The following TC2N variants were observed in gnomAD, a reference collection of about 807,000 sequenced individuals.
TC2N encodes the protein tandem C2 domains nuclear protein.
Under a neutral mutation model 61.9 loss-of-function variants are expected in TC2N, and 51 were observed. The ratio of observed to expected loss-of-function variants is 0.82; its 90% confidence interval spans 0.66 to 1.04. The LOEUF (loss-of-function observed/expected upper bound fraction) is 1.04. TC2N is among the 50% of genes least tolerant of loss of function. The pLI, the probability that TC2N is intolerant of heterozygous loss-of-function variation, is 0.00. For missense variants in TC2N, 556 were observed against 566.7 expected (o/e 0.98, Z 0.19); for synonymous variants, 204 against 192.6 (o/e 1.06, Z -0.49).
intron 3 of TC2N, among the ~76,000 whole-genome samples, chr14:91,805,434 C>T (rs1005578065): frequency 2.6e-5 from 4 of 152,174 alleles, no homozygotes; most frequent in South Asian, 2.1e-4. Context: ...TTTGAAAGGG[C>T]GAGGTGGGCA....
intron 1 of TC2N, among the ~76,000 whole-genome samples, chr14:91,851,162 T>A (rs542806856): frequency 6.6e-6 from 1 of 152,288 alleles, no homozygotes; most frequent in East Asian, 1.9e-4. Context: ...TCACCCCTAG[T>A]CCATGGAAAA....
chr14:91,850,583 C>T (rs1254188702), intron 1 of TC2N, among the ~76,000 whole-genome samples: 1 of 152,226 alleles, frequency 6.6e-6, no homozygotes, highest in East Asian at 1.9e-4. Flanking sequence ...CATAGGAGCA[C>T]AAACCTTACT....
chr14:91,863,563 A>C (rs1386118161), intron 1 of TC2N, among the ~76,000 whole-genome samples: 3 of 152,194 alleles, frequency 2.0e-5, no homozygotes, highest in Non-Finnish European at 4.4e-5. Flanking sequence ...AGGTAGATTC[A>C]AAGATTTTTT....
intron 1 of TC2N, among the ~76,000 whole-genome samples, chr14:91,841,339 G>A (rs1442375665): frequency 1.3e-5 from 2 of 152,176 alleles, no homozygotes; most frequent in Admixed American, 1.3e-4. Flanking sequence ...GCATTCTTCT[G>A]GACCCACATC....
chr14:91,814,814 C>T (rs1479366064), intron 1 of TC2N, among the ~76,000 whole-genome samples: 1 of 151,566 alleles, frequency 6.6e-6, no homozygotes, highest in Non-Finnish European at 1.5e-5. Flanking sequence ...TGAAGATCTG[C>T]AGTACTCTTG....
intron 7 of TC2N, 113 bp downstream of exon 7, chr14:91,798,186 C>A: frequency 1.7e-6 from 1 of 594,254 alleles, no homozygotes; most frequent in Non-Finnish European, 2.9e-6. Context: ...TAAAGAATTC[C>A]AAATGTCAAA....
chr14:91,855,921 CTT>C (rs1368820959), intron 1 of TC2N, among the ~76,000 whole-genome samples: 1 of 152,112 alleles, frequency 6.6e-6, no homozygotes, highest in Admixed American at 6.5e-5. Context: ...TGTGGGAAGA[CTT>C]TGGAATTCTA....
chr14:91,841,311 C>A (rs935420146), intron 1 of TC2N, among the ~76,000 whole-genome samples: 1 of 152,184 alleles, frequency 6.6e-6, no homozygotes, highest in Admixed American at 6.5e-5. Context: ...ATGACTCAAA[C>A]CTGAAGCAAA....
intron 1 of TC2N, among the ~76,000 whole-genome samples, chr14:91,863,163 A>T (rs1250360744): frequency 6.6e-6 from 1 of 152,262 alleles, no homozygotes; most frequent in Non-Finnish European, 1.5e-5. Context: ...AACTAGAACA[A>T]AACAAAATAA....
intron 9 of TC2N, among the ~76,000 whole-genome samples, chr14:91,789,223 T>C (rs1885520156): frequency 6.6e-6 from 1 of 152,108 alleles, no homozygotes; most frequent in African/African-American, 2.4e-5. Context: ...AGGCTTACCA[T>C]TTCCCACTTG....
chr14:91,792,655 CAATT>C, intron 8 of TC2N, 97 bp from the exon 9 acceptor site: 1 of 558,918 alleles, frequency 1.8e-6, no homozygotes, highest in Non-Finnish European at 2.8e-6. Flanking sequence ...AAGGTATATT[CAATT>C]CTTTTTACAA....
At chr14:91,853,664 ACACACACACAC>A (rs370162466) in intron 1 of TC2N, among the ~76,000 whole-genome samples, 70,373 of 147,596 alleles carry the variant, frequency 0.48, 16,883 homozygotes, top group African/African-American at 0.54. Context: ...ACACACACAC[ACACACACACAC>A]ACACACACAC....
chr14:91,865,151 C>T (rs1483979231), intron 1 of TC2N, among the ~76,000 whole-genome samples: 1 of 152,162 alleles, frequency 6.6e-6, no homozygotes, highest in African/African-American at 2.4e-5. Context: ...TGCAGTTCCC[C>T]TCTGAAAGAA....
intron 1 of TC2N, among the ~76,000 whole-genome samples, chr14:91,833,588 T>C (rs965446904): frequency 6.6e-6 from 1 of 152,148 alleles, no homozygotes; most frequent in Non-Finnish European, 1.5e-5. Flanking sequence ...TAAAGTTTCC[T>C]CATACTCCTT....
At chr14:91,809,065 G>A (rs186763057) in intron 3 of TC2N, among the ~76,000 whole-genome samples, 16 of 152,176 alleles carry the variant, frequency 1.1e-4, no homozygotes, top group South Asian at 4.2e-4. Flanking sequence ...ATTGATATGC[G>A]CAAAGTAAGA....
At chr14:91,835,777 C>T (rs997379879) in intron 1 of TC2N, among the ~76,000 whole-genome samples, 2 of 152,240 alleles carry the variant, frequency 1.3e-5, no homozygotes, top group African/African-American at 4.8e-5. Context: ...GGTAAAAACC[C>T]TCTGCGAAGC....
chr14:91,855,133 G>C (rs1888458575), intron 1 of TC2N, among the ~76,000 whole-genome samples: 1 of 152,138 alleles, frequency 6.6e-6, no homozygotes. Flanking sequence ...GGTTGAAGTG[G>C]GAACCAGTGG....
At chr14:91,860,110 A>C (rs1888561168) in intron 1 of TC2N, among the ~76,000 whole-genome samples, 1 of 152,144 alleles carries the variant, frequency 6.6e-6, no homozygotes, top group South Asian at 2.1e-4. Context: ...GAACAACTGC[A>C]ATTATTTTTC....
At chr14:91,865,014 A>C (rs1012301954) in intron 1 of TC2N, among the ~76,000 whole-genome samples, 1 of 151,902 alleles carries the variant, frequency 6.6e-6, no homozygotes, top group Non-Finnish European at 1.5e-5. Flanking sequence ...TCCTGGCCTC[A>C]AGTGATCTGC....
Sources: gnomAD v4.1 joint callset for allele counts (sites outside exome capture counted in the v4.1 genomes callset) on GRCh38, gnomAD v4.1.1 for gene constraint, MANE v1.5 for transcripts, NCBI Gene and HGNC (gene_info 2026-07-23, HGNC 2026-07-21) for gene names.